PRKCZ: variants seen among roughly 807,000 people sequenced by gnomAD.
The protein encoded by PRKCZ is protein kinase C zeta type.
Under a neutral mutation model 79.5 loss-of-function variants are expected in PRKCZ, and 33 were observed. The ratio of observed to expected loss-of-function variants is 0.41; its 90% CI spans 0.31 to 0.55. The LOEUF (loss-of-function observed/expected upper bound fraction) is 0.55, where lower values mean the gene tolerates loss of function less well. PRKCZ is among the 20% of genes least tolerant of loss of function. The pLI, the probability that PRKCZ is intolerant of heterozygous loss-of-function variation, is 0.19. For missense variants in PRKCZ, 578 were observed against 813.5 expected (o/e 0.71, Z 3.52); for synonymous variants, 342 against 320.9 (o/e 1.07, Z -0.70).
intron 4 of PRKCZ, among the ~76,000 whole-genome samples, chr1:2,069,140 A>T (rs1052924360): frequency 6.6e-6 from 1 of 151,754 alleles, no homozygotes. Flanking sequence ...ACCCCAACCA[A>T]TGCGACCCCC....
chr1:2,118,024 C>T (rs865971188), intron 4 of PRKCZ, among the ~76,000 whole-genome samples: 1 of 12,608 alleles, frequency 7.9e-5, no homozygotes, highest in Non-Finnish European at 1.6e-4. Flanking sequence ...TGGAGTCTCA[C>T]TCTGTCACCC....
intron 5 of PRKCZ, among the ~76,000 whole-genome samples, chr1:2,138,446 C>G (rs1027269441): frequency 6.6e-6 from 1 of 152,142 alleles, no homozygotes; most frequent in Non-Finnish European, 1.5e-5. Context: ...GGCAGGGAAG[C>G]CCACTCAGTG....
chr1:2,054,781 C>T (rs544077156), intron 1 of PRKCZ, among the ~76,000 whole-genome samples: 85 of 152,250 alleles, frequency 5.6e-4, no homozygotes, highest in African/African-American at 1.9e-3. Context: ...GCGCCCATCC[C>T]GGGGTCACCC....
chr1:2,156,177 T>C (rs1571882817), intron 10 of PRKCZ, 85 bp downstream of exon 10: 1 of 1,299,890 alleles, frequency 7.7e-7, no homozygotes, highest in African/African-American at 1.5e-5. Context: ...ATGTGTCAAC[T>C]GTCACCTGTA....
At chr1:2,167,418 T>G (rs774108894) in intron 10 of PRKCZ, among the ~76,000 whole-genome samples, 1 of 152,174 alleles carries the variant, frequency 6.6e-6, no homozygotes, top group Non-Finnish European at 1.5e-5. Context: ...CCGTGATAGC[T>G]TAAAGTTAGG....
intron 3 of PRKCZ, among the ~76,000 whole-genome samples, chr1:2,057,133 A>G (rs1485982613): frequency 1.3e-5 from 2 of 152,212 alleles, no homozygotes; most frequent in African/African-American, 4.8e-5. Context: ...GCGCATGTGG[A>G]CAGAGGGGAC....
chr1:2,126,954 G>A (rs984885389), intron 4 of PRKCZ, among the ~76,000 whole-genome samples: 6 of 152,236 alleles, frequency 3.9e-5, no homozygotes, highest in Non-Finnish European at 8.8e-5. Flanking sequence ...GGTTCTGCCT[G>A]TTCCTGGGGG....
chr1:2,126,617 C>T (rs1673948669), intron 4 of PRKCZ, among the ~76,000 whole-genome samples: 1 of 152,188 alleles, frequency 6.6e-6, no homozygotes, highest in Admixed American at 6.5e-5. Context: ...TGAACAAGCC[C>T]AAGGTCTTGG....
intron 5 of PRKCZ, 141 bp from the exon 6 acceptor site, chr1:2,144,069 C>T (rs1219004926): frequency 1.7e-5 from 21 of 1,257,094 alleles, no homozygotes; most frequent in South Asian, 1.1e-4. Flanking sequence ...GCCTGGCGCC[C>T]GGAAGGGACA....
At chr1:2,050,930 C>T in intron 1 of PRKCZ, 1 of 374,892 alleles carries the variant, frequency 2.7e-6, no homozygotes, top group Non-Finnish European at 4.7e-6. Flanking sequence ...GGGGTCGGCC[C>T]CGCGCCGCGA....
At chr1:2,079,501 C>G (rs533616035) in intron 4 of PRKCZ, among the ~76,000 whole-genome samples, 70 of 152,376 alleles carry the variant, frequency 4.6e-4, no homozygotes, top group African/African-American at 1.4e-3. Context: ...CAGGCCCCAG[C>G]TCTGCTGCCC....
Position 2,172,186 on chromosome 1 carries a change from G to A in PRKCZ, c.1193G>A (p.Cys398Tyr), listed in dbSNP as rs574561574. Reference protein sequence around the residue: ...GHIKLTDYGMCKEGLGPGDTT... With the variant: ...GHIKLTDYGMYKEGLGPGDTT... Reference sequence around the variant, plus strand: ...ATCAAGCTCACAGACTACGGCATGTGCAAGGTGCGTGCCTTGGACCGCCTC... The same window carrying A: ...ATCAAGCTCACAGACTACGGCATGTACAAGGTGCGTGCCTTGGACCGCCTC... The change falls in exon 12 of 18, where the codon TGC becomes TAC. Residue 398 changes from cysteine to tyrosine, a missense_variant. This residue lies in a region of PRKCZ where 243 missense variants were observed against 467.0 expected (regional missense o/e 0.52). Transcript: ENST00000378567. This position sits in a 1 kb window ranked among gnomAD's most constrained non-coding sequence, Gnocchi z 7.8. 6.2e-7 allele frequency: 1 copy of A among 1,613,284 alleles called. No homozygotes were observed. The highest frequency in any genetic ancestry group is 1.1e-5 in the South Asian group (1 of 91,074).
At chr1:2,166,031 C>T (rs185239816) in intron 10 of PRKCZ, among the ~76,000 whole-genome samples, 2 of 152,340 alleles carry the variant, frequency 1.3e-5, no homozygotes, top group East Asian at 3.9e-4. Flanking sequence ...CGGCTGCGGT[C>T]TGCGTCTCGC....
Position 2,185,178 on chromosome 1 carries a change from T to C in PRKCZ, c.*169T>C, listed in dbSNP as rs1475653611. ...GCGGGCGCTGCTGGGAGCAGAACAG[T>C]CCCTCACACCTGGGCCCGGGCAGGC... On this transcript the variant is annotated 3_prime_UTR_variant, in exon 18 of 18. Transcript: ENST00000378567. 2.7e-6 allele frequency: 2 copies of C among 730,074 alleles called. No homozygotes were observed. The highest frequency in any genetic ancestry group is 4.1e-5 in the Admixed American group (2 of 48,836). 45.2% of individuals were successfully genotyped at this position (730,074 alleles called of 1,614,324 possible).
chr1:2,174,696 G>A lies in PRKCZ; in HGVS notation c.1406-58G>A, dbSNP rs375716073. ...TCTTGCTCAGAGTCAGAGTCTGGGC[G>A]GCACTGGGCAAATGGCACACAACAC... On this transcript the variant is annotated intron_variant, in intron 14 of 17. Coordinates refer to ENST00000378567, the MANE Select transcript of PRKCZ (RefSeq NM_002744.6). The surrounding 1 kb of genome is among the most constrained non-coding windows in gnomAD (Gnocchi z 6.2). The A allele has an allele frequency of 6.9e-5, 107 of 1,548,558 alleles. 2 individuals carry two copies. In the Middle Eastern group the frequency reaches 7.5e-4, roughly 11 times the overall value.
chr1:2,138,921 CAAAT>C (rs781744317), intron 5 of PRKCZ, among the ~76,000 whole-genome samples: 1 of 152,152 alleles, frequency 6.6e-6, no homozygotes, highest in Non-Finnish European at 1.5e-5. Flanking sequence ...GACTCCGTCT[CAAAT>C]AAATAAAAAG....
At position 2,142,706 on chromosome 1, in the gene PRKCZ, T is replaced by C. The variant is rs545367907; in HGVS notation, c.421-1504T>C. ...TTTCCTGTGACGAAGTTGAAAGCGA[T>C]GATGCATGTGTGTTTTCTTACCCGA... On this transcript the variant is annotated intron_variant, in intron 5 of 17. Transcript: ENST00000378567. 1.2e-4 allele frequency: 20 copies of C among 163,884 alleles called. No homozygotes were observed. The South Asian group carries it at 2.6e-3, about 21-fold the overall frequency. The allele number at this position is 163,884 out of a possible 1,614,324, so 10.2% of individuals were successfully genotyped here.
intron 4 of PRKCZ, among the ~76,000 whole-genome samples, chr1:2,110,941 A>G (rs1223647024): frequency 9.2e-5 from 14 of 151,978 alleles, no homozygotes; most frequent in Non-Finnish European, 2.9e-5. Context: ...GGAAGCTTGC[A>G]CACGTCCCTG....
intron 4 of PRKCZ, among the ~76,000 whole-genome samples, chr1:2,109,493 CAT>C (rs1025776177): frequency 2.0e-5 from 3 of 152,222 alleles, no homozygotes; most frequent in African/African-American, 7.2e-5. Context: ...GAATATTAAA[CAT>C]GTGGATTGCA....
Sources: gnomAD v4.1 joint callset for allele counts (sites outside exome capture counted in the v4.1 genomes callset) on GRCh38, gnomAD v4.1.1 for gene constraint, gnomAD v4.1.1 regional missense constraint, Gnocchi (gnomAD v3.1) non-coding constraint, MANE v1.5 for transcripts, NCBI Gene and HGNC (gene_info 2026-07-23, HGNC 2026-07-21) for gene names.